Variants in PLS1 observed in about 807,000 individuals in gnomAD.
PLS1 encodes plastin-1.
PLS1 carries 32 observed loss-of-function variants against 73.7 expected under a neutral mutation model. The observed-to-expected ratio is 0.43, with a 90% CI of 0.33 to 0.58. The LOEUF (loss-of-function observed/expected upper bound fraction) is 0.58. Ranked by LOEUF, PLS1 falls within the 20% of genes least tolerant of loss-of-function variation. PLS1 has a pLI of 0.04. For missense variants in PLS1, 633 were observed against 740.5 expected (o/e 0.85, Z 1.68); for synonymous variants, 217 against 261.3 (o/e 0.83, Z 1.63).
chr3:142,682,578 G>T (rs2037878455), intron 6 of PLS1, among the ~76,000 whole-genome samples: 1 of 152,196 alleles, frequency 6.6e-6, no homozygotes, highest in Admixed American at 6.5e-5. Context: ...ATGGGTTATT[G>T]TGAGGTTAAT....
chr3:142,675,923 G>C (rs531780200), intron 4 of PLS1, among the ~76,000 whole-genome samples: 1 of 149,176 alleles, frequency 6.7e-6, no homozygotes, highest in East Asian at 2.0e-4. Flanking sequence ...TGATCAGCCC[G>C]CCTTGGAAGT....
At chr3:142,599,178 G>GAATAAATAAATA (rs199708068) in intron 1 of PLS1, among the ~76,000 whole-genome samples, 197 of 147,068 alleles carry the variant, frequency 1.3e-3, no homozygotes, top group South Asian at 5.2e-3. Context: ...ATGAATGAAT[G>GAATAAATAAATA]AATAAATAAA....
At chr3:142,650,191 G>A (rs899941020) in intron 1 of PLS1, among the ~76,000 whole-genome samples, 2 of 132,254 alleles carry the variant, frequency 1.5e-5, no homozygotes, top group Non-Finnish European at 3.3e-5. Flanking sequence ...TTTCTGCAGT[G>A]TTGGTTTTGG....
At chr3:142,631,836 AAC>A (rs2036572265) in intron 1 of PLS1, among the ~76,000 whole-genome samples, 1 of 152,146 alleles carries the variant, frequency 6.6e-6, no homozygotes, top group South Asian at 2.1e-4. Context: ...TGGCATCAAA[AAC>A]ACAAGCAACA....
Position 142,602,450 on chromosome 3 carries a change from A to G in PLS1, c.-37+5941A>G, listed in dbSNP as rs534643363. Among the ~76,000 whole-genome samples the G allele has an allele frequency of 1.8e-3, 272 of 152,156 alleles. 1 individual carries two copies. Among genetic ancestry groups the G allele is most frequent in the Middle Eastern group, 3.4e-3 (1 of 294 alleles). ...GACTCTAATCTTAGGCCTTTGAACT[A>G]TGGCCATAAACCCCCAGGAAGAATC... is the stretch of plus-strand genomic sequence containing the variant. On this transcript the variant is annotated intron_variant, in intron 1 of 15. Coordinates refer to ENST00000457734, the MANE Select transcript of PLS1 (RefSeq NM_001145319.2).
At chr3:142,606,798 A>G (rs1186952618) in intron 1 of PLS1, among the ~76,000 whole-genome samples, 1 of 152,208 alleles carries the variant, frequency 6.6e-6, no homozygotes, top group African/African-American at 2.4e-5. Flanking sequence ...GGTGTGCATA[A>G]TATGCCATTG....
Position 142,711,560 on chromosome 3 carries a change from T to C in PLS1, c.1689T>C (p.Asn563=). 1.9e-6 allele frequency: 3 copies of C among 1,605,386 alleles called. No individual in the cohort carries two copies. Among genetic ancestry groups the C allele is most frequent in the South Asian group, 2.2e-5 (2 of 90,540 alleles). The change falls in exon 15 of 16, where the codon AAT becomes AAC. Residue 563 remains asparagine (N), a synonymous_variant. Coordinates refer to ENST00000457734, the MANE Select transcript of PLS1 (RefSeq NM_001145319.2). ...VLDLIDAIAP[N]AVRQEMIRRE... is the part of the protein sequence containing the mutation. The stretch of plus-strand genomic sequence containing the variant: ...ATTTAATAGATGCCATTGCACCAAA[T>C]GCAGTTCGTCAAGAAATGATCAGGA...
chr3:142,642,636 C>T (rs1194082095), intron 1 of PLS1, among the ~76,000 whole-genome samples: 1 of 152,154 alleles, frequency 6.6e-6, no homozygotes, highest in Admixed American at 6.5e-5. Context: ...CGATTATTAT[C>T]CCTTTAAAAG....
At chr3:142,708,096 C>A (rs933121341) in intron 14 of PLS1, among the ~76,000 whole-genome samples, 1 of 152,068 alleles carries the variant, frequency 6.6e-6, no homozygotes, top group Non-Finnish European at 1.5e-5. Context: ...GTACCTAGCA[C>A]ATATTAAGGG....
At chr3:142,624,939 AG>A (rs5853076) in intron 1 of PLS1, among the ~76,000 whole-genome samples, 32,748 of 151,908 alleles carry the variant, frequency 0.22, 4,413 homozygotes, top group African/African-American at 0.39. Context: ...ATTCTTGTGG[AG>A]GAGGAGGATA....
At chr3:142,620,268 G>T (rs986126416) in intron 1 of PLS1, among the ~76,000 whole-genome samples, 1 of 152,062 alleles carries the variant, frequency 6.6e-6, no homozygotes, top group African/African-American at 2.4e-5. Context: ...GGGATTACAG[G>T]CACCTGCCAC....
intron 1 of PLS1, among the ~76,000 whole-genome samples, chr3:142,643,046 A>G (rs1157493787): frequency 6.6e-6 from 1 of 152,100 alleles, no homozygotes; most frequent in Non-Finnish European, 1.5e-5. Flanking sequence ...CTCCCAAAAG[A>G]GTTGGATCTT....
At chr3:142,606,517 A>G (rs1386859714) in intron 1 of PLS1, among the ~76,000 whole-genome samples, 7 of 152,136 alleles carry the variant, frequency 4.6e-5, no homozygotes, top group African/African-American at 1.2e-4. Flanking sequence ...ATATCATACA[A>G]TTCTCCAATT....
rs191785773 is a variant in PLS1 at position 142,621,337 on chromosome 3, A to G, written c.-37+24828A>G. ...TAGAGCAATTGGATTCACGGCTATAATGTCCCTCATAATACCACAGAGGGT... is the reference window on the plus strand; with the variant it reads ...TAGAGCAATTGGATTCACGGCTATAGTGTCCCTCATAATACCACAGAGGGT... On this transcript the variant is annotated intron_variant, in intron 1 of 15. Coordinates refer to ENST00000457734, the MANE Select transcript of PLS1 (RefSeq NM_001145319.2). Among the ~76,000 whole-genome samples, 451 of 152,232 alleles carry G rather than the reference A, an allele frequency of 3.0e-3. 3 individuals carry two copies. The highest frequency in any genetic ancestry group is 0.01 in the African/African-American group (427 of 41,536).
chr3:142,682,572 G>T (rs1170376339), intron 6 of PLS1, among the ~76,000 whole-genome samples: 1 of 152,180 alleles, frequency 6.6e-6, no homozygotes, highest in Non-Finnish European at 1.5e-5. Context: ...TATGACATGG[G>T]TTATTGTGAG....
intron 1 of PLS1, among the ~76,000 whole-genome samples, chr3:142,620,534 T>A (rs1017629726): frequency 1.3e-5 from 2 of 152,238 alleles, no homozygotes; most frequent in African/African-American, 4.8e-5. Context: ...GAGATTTTTT[T>A]AAAAACGTGA....
chr3:142,624,710 C>T (rs2140432), intron 1 of PLS1, among the ~76,000 whole-genome samples: 97,395 of 152,144 alleles, frequency 0.64, 32,775 homozygotes, highest in African/African-American at 0.86. Context: ...AGTCAACTTA[C>T]TTGTACGCAC....
intron 1 of PLS1, among the ~76,000 whole-genome samples, chr3:142,602,599 GC>G (rs201415087): frequency 5.3e-5 from 8 of 151,134 alleles, no homozygotes; most frequent in Admixed American, 2.6e-4. Context: ...TAATTTAAAG[GC>G]CCCCCCCACC....
rs951100687 is a variant in PLS1, at chr3:142,704,066, T to C, written c.1505+65T>C. The stretch of plus-strand genomic sequence containing the variant: ...TCCAACAAGTAATCTGAACCAAATT[T>C]TTAGCTATTTTTGAACAATAATGAA... On this transcript the variant is annotated intron_variant, in intron 13 of 15. Transcript: ENST00000457734. 7.8e-6 allele frequency: 11 copies of C among 1,411,426 alleles called. No individual in the cohort carries two copies. In the Admixed American group the frequency reaches 2.0e-4, roughly 26 times the overall value. The allele number at this position is 1,411,426 out of a possible 1,614,324, so 87.4% of individuals were successfully genotyped here.
Sources: gnomAD v4.1 joint callset for allele counts (sites outside exome capture counted in the v4.1 genomes callset) on GRCh38, gnomAD v4.1.1 for gene constraint, MANE v1.5 for transcripts, NCBI Gene and HGNC (gene_info 2026-07-23, HGNC 2026-07-21) for gene names.